Variants in SLC6A4 observed in about 807,000 individuals in gnomAD.
SLC6A4 encodes the protein solute carrier family 6 member 4, also known as sodium-dependent serotonin transporter.
SLC6A4 carries 22 observed loss-of-function variants against 73.4 expected under a neutral mutation model. The ratio of observed to expected loss-of-function variants is 0.30; its 90% CI spans 0.21 to 0.43. The LOEUF is 0.43. Ranked by LOEUF, SLC6A4 falls within the 20% of genes least tolerant of loss-of-function variation. The pLI is 1.00. For synonymous variants in SLC6A4, 270 were observed against 315.5 expected (o/e 0.86, Z 1.53); for missense variants, 593 against 808.5 (o/e 0.73, Z 3.23).
intron 7 of SLC6A4, 72 bp downstream of exon 7, chr17:30,216,010 C>T (rs764340504): frequency 5.4e-5 from 74 of 1,367,126 alleles, no homozygotes; most frequent in Non-Finnish European, 6.5e-5. Flanking sequence ...TCCCTACTGT[C>T]CTATTTGGAG....
chr17:30,207,304 G>A (rs1906238127), intron 13 of SLC6A4, among the ~76,000 whole-genome samples: 1 of 152,118 alleles, frequency 6.6e-6, no homozygotes, highest in African/African-American at 2.4e-5. Flanking sequence ...TGGCTACATA[G>A]GTGTGCTCAA....
In SLC6A4 at chr17:30,203,247, T is replaced by A. The variant is rs1162488583; in HGVS notation, c.1743A>T (p.Ile581=). ...GGATGCAAATGAAAGATGAGGTTCC[T>A]ATGCAGTAACCCAAGATGATACTCC... ...PYWSIILGYC[I]GTSSFICIPT... Residue 581 remains isoleucine (I), a synonymous_variant, in exon 14 of 15, where the codon ATA becomes ATT. Transcript: ENST00000650711. The A allele has an allele frequency of 6.2e-7, 1 of 1,613,626 alleles. No homozygotes were observed. The highest frequency in any genetic ancestry group is 1.7e-5 in the Admixed American group (1 of 60,022).
chr17:30,198,912 T>C lies in SLC6A4; in HGVS notation c.1819-382A>G, dbSNP rs56062337. The stretch of plus-strand genomic sequence containing the variant: ...CAAAGGGCTTGGGGAGCAGAGTAAT[T>C]GCTGGGTTTTGGCCCCCATCCCCTC... On this transcript the variant is annotated intron_variant, in intron 14 of 14. Transcript: ENST00000650711. Among the ~76,000 whole-genome samples the C allele has an allele frequency of 2.1e-4, 32 of 152,210 alleles. No individual in the cohort carries two copies. In the East Asian group the frequency reaches 3.9e-3, roughly 18 times the overall value.
Position 30,205,444 on chromosome 17 carries a change from G to A in SLC6A4, c.1651-2105C>T, listed in dbSNP as rs1056764053. Among the ~76,000 whole-genome samples, 20 of 152,270 alleles carry A rather than the reference G, an allele frequency of 1.3e-4. No homozygotes were observed. The South Asian group carries it at 4.1e-3, about 32-fold the overall frequency. ...TTAAGTAGATTATTGAGAAGTACTG[G>A]TAATAATATAAATTAATAACCCATT... On this transcript the variant is annotated intron_variant, in intron 13 of 14. Transcript: ENST00000650711.
At chr17:30,233,530 C>T (rs1170511758) in intron 1 of SLC6A4, among the ~76,000 whole-genome samples, 1 of 152,146 alleles carries the variant, frequency 6.6e-6, no homozygotes, top group African/African-American at 2.4e-5. Flanking sequence ...GGCATTTTTG[C>T]ACCATCATTT....
rs1236848874 is a variant in SLC6A4, at chr17:30,196,466, T to G, written c.*1990A>C. 5.3e-5 allele frequency: 8 copies of G among 152,260 alleles called. No homozygotes were observed. The highest frequency in any genetic ancestry group is 5.2e-4 in the Admixed American group (8 of 15,272). The allele number at this position is 152,260 out of a possible 1,614,324, so 9.4% of individuals were successfully genotyped here. On this transcript the variant is annotated 3_prime_UTR_variant, in exon 15 of 15. Coordinates refer to ENST00000650711, the MANE Select transcript of SLC6A4 (RefSeq NM_001045.6). ...AACGCTAATTCTGTTTGAAAAGGTG[T>G]TTTTTTAAAAGTAGTATATTTGAAC...
intron 5 of SLC6A4, among the ~76,000 whole-genome samples, chr17:30,217,871 C>A (rs1386022311): frequency 6.6e-6 from 1 of 152,150 alleles, no homozygotes; most frequent in Non-Finnish European, 1.5e-5. Context: ...AAGGGAGGGA[C>A]GGGCTTGGGC....
chr17:30,234,012 C>T (rs891465991), intron 1 of SLC6A4, among the ~76,000 whole-genome samples: 2 of 152,014 alleles, frequency 1.3e-5, no homozygotes, highest in African/African-American at 2.4e-5. Flanking sequence ...ATGCTCCTAA[C>T]CCCCCTCCAG....
At chr17:30,205,541 A>G (rs1456078539) in intron 13 of SLC6A4, among the ~76,000 whole-genome samples, 1 of 152,210 alleles carries the variant, frequency 6.6e-6, no homozygotes, top group African/African-American at 2.4e-5. Context: ...AAAACAACTA[A>G]AACTTCTGGA....
intron 12 of SLC6A4, 91 bp downstream of exon 12, chr17:30,209,052 C>T: frequency 1.1e-6 from 1 of 871,920 alleles, no homozygotes; most frequent in Non-Finnish European, 1.9e-6. Context: ...GTAAACTGCC[C>T]CTCACAGCCT....
At chr17:30,210,904 G>A (rs942987267) in intron 10 of SLC6A4, among the ~76,000 whole-genome samples, 19 of 152,090 alleles carry the variant, frequency 1.2e-4, no homozygotes, top group Admixed American at 1.0e-3. Flanking sequence ...GAGGTCTCTC[G>A]GGGAGACTCC....
intron 9 of SLC6A4, 28 bp downstream of exon 9, chr17:30,212,712 G>A (rs757123002): frequency 1.6e-5 from 26 of 1,610,562 alleles, no homozygotes; most frequent in South Asian, 6.6e-5. Flanking sequence ...GTAGGAGCAA[G>A]GGACCTGCAT....
intron 8 of SLC6A4, among the ~76,000 whole-genome samples, chr17:30,215,368 G>A (rs911495472): frequency 2.0e-5 from 3 of 152,210 alleles, no homozygotes; most frequent in Non-Finnish European, 4.4e-5. Context: ...ATACAGGAGC[G>A]CTGACAAAAC....
rs200339864 is a variant in SLC6A4, at chr17:30,221,816, G to A, written c.143C>T (p.Ser48Leu). 1.9e-6 allele frequency: 3 copies of A among 1,614,218 alleles called. No homozygotes were observed. Among genetic ancestry groups the A allele is most frequent in the Non-Finnish European group, 2.5e-6 (3 of 1,180,046 alleles). ...TCCCGCACCAGGACTTGGAACTGCT[G>A]AGTACCCATTGGATATTTGCCCGGA... ...VESGQISNGY[S>L]AVPSPGAGDD... is the part of the protein sequence containing the mutation. Residue 48 changes from serine to leucine, a missense_variant, in exon 3 of 15, where the codon TCA becomes TTA. Ser to Leu is a moderately radical substitution (Grantham distance 145, BLOSUM62 -2). Transcript: ENST00000650711.
chr17:30,218,077 C>A (rs760606335), intron 5 of SLC6A4, 41 bp downstream of exon 5: 1 of 1,550,578 alleles, frequency 6.4e-7, no homozygotes, highest in South Asian at 1.1e-5. Context: ...AGGGGTGTGG[C>A]CTGCCCCTAA....
intron 1 of SLC6A4, among the ~76,000 whole-genome samples, chr17:30,224,295 T>A: frequency 6.6e-6 from 1 of 151,740 alleles, no homozygotes; most frequent in Non-Finnish European, 1.5e-5. Flanking sequence ...TTTGGCTCAC[T>A]GCAACCTCTG....
rs753124472 is a variant in SLC6A4, at chr17:30,210,562, C to T, written c.1402G>A (p.Ala468Thr). 12 of 1,613,696 alleles carry T rather than the reference C, an allele frequency of 7.4e-6. No individual in the cohort carries two copies. Among genetic ancestry groups the T allele is most frequent in the East Asian group, 2.2e-5 (1 of 44,850 alleles). The change falls in exon 11 of 15, where the codon GCC (alanine) becomes ACC (threonine). Residue 468 changes from alanine (A) to threonine (T), a missense_variant. By Grantham distance (58) the Ala-to-Thr change is moderately conservative. Coordinates refer to ENST00000650711, the MANE Select transcript of SLC6A4 (RefSeq NM_001045.6). ...CCAAAGAAGCAGGTGATGACCACGG[C>T]GAGCACGAACCGCTCCCGGCGCTTG... ...WAKRRERFVL[A>T]VVITCFFGSL... is the part of the protein sequence containing the mutation.
intron 5 of SLC6A4, 132 bp from the exon 6 acceptor site, chr17:30,217,436 C>T (rs1567820049): frequency 5.9e-6 from 5 of 845,272 alleles, no homozygotes; most frequent in Non-Finnish European, 7.2e-6. Flanking sequence ...TCACTGAGGC[C>T]CAGGAAGAGC....
In SLC6A4 at chr17:30,216,840, TTTTTTTGTTTG is replaced by T. The variant is rs1436456694; in HGVS notation, c.837+315_837+325del. Among the ~76,000 whole-genome samples the T allele has an allele frequency of 7.9e-5, 10 of 126,004 alleles. No individual in the cohort carries two copies. In the Admixed American group the frequency reaches 8.5e-4, roughly 11 times the overall value. The allele number at this position is 126,004 out of a possible 152,430, so 82.7% of individuals were successfully genotyped here. A position where few individuals can be genotyped will look rare whatever the true frequency, so the allele number is the denominator to read the frequency against. On this transcript the variant is annotated intron_variant, in intron 6 of 14. Coordinates refer to ENST00000650711, the MANE Select transcript of SLC6A4 (RefSeq NM_001045.6). ...CCTGCCACCACACCTGGCTATTGTT[TTTTTTTGTTTG>T]TTTGTTTGTTTGTTTGTTTGTTTGT...
Sources: gnomAD v4.1 joint callset for allele counts (sites outside exome capture counted in the v4.1 genomes callset) on GRCh38, gnomAD v4.1.1 for gene constraint, MANE v1.5 for transcripts, NCBI Gene and HGNC (gene_info 2026-07-23, HGNC 2026-07-21) for gene names.